The following SNX13 variants were observed in gnomAD, a reference collection of about 807,000 sequenced individuals.
SNX13 encodes the protein sorting nexin 13.
Under a neutral mutation model 133.6 loss-of-function variants are expected in SNX13, and 45 were observed. That is an observed-to-expected ratio of 0.34 (90% CI 0.27 to 0.43). The LOEUF (loss-of-function observed/expected upper bound fraction) is 0.43. SNX13 is among the 20% of genes least tolerant of loss of function. The pLI is 1.00. For synonymous variants in SNX13, 414 were observed against 373.9 expected (o/e 1.11, Z -1.24); for missense variants, 1,032 against 1,145.1 (o/e 0.90, Z 1.43).
chr7:17,935,660 A>T (rs1459916242), intron 1 of SNX13, among the ~76,000 whole-genome samples: 5 of 152,198 alleles, frequency 3.3e-5, no homozygotes, highest in Admixed American at 2.0e-4. Context: ...ATGTTTATCA[A>T]TATTCCTCTT....
chr7:17,897,716 T>C (rs887793136), intron 1 of SNX13: 3 of 215,388 alleles, frequency 1.4e-5, no homozygotes, highest in Admixed American at 1.2e-4. Context: ...AGGACAGAAA[T>C]AGTTATACAA....
At chr7:17,866,266 T>C (rs1435084551) in intron 9 of SNX13, among the ~76,000 whole-genome samples, 1 of 143,428 alleles carries the variant, frequency 7.0e-6, no homozygotes, top group East Asian at 2.0e-4. Flanking sequence ...ATAACCAGAA[T>C]ATATAAGGAA....
At chr7:17,918,929 T>C (rs1278369836) in intron 1 of SNX13, among the ~76,000 whole-genome samples, 6 of 152,202 alleles carry the variant, frequency 3.9e-5, no homozygotes, top group African/African-American at 7.2e-5. Flanking sequence ...AATGAAATCA[T>C]GTCCTTTGCA....
At chr7:17,817,735 T>C (rs1409375872) in intron 18 of SNX13, among the ~76,000 whole-genome samples, 1 of 152,028 alleles carries the variant, frequency 6.6e-6, no homozygotes, top group Non-Finnish European at 1.5e-5. Flanking sequence ...TCACTGAACA[T>C]CACATGTGAA....
rs367739163 is a variant in SNX13 at position 17,830,161 on chromosome 7, TAAAAAAAAA to T, written c.1598-123_1598-115del. The T allele has an allele frequency of 1.9e-5, 9 of 475,464 alleles. No homozygotes were observed. The South Asian group carries it at 4.9e-4, about 26-fold the overall frequency. The allele number at this position is 475,464 out of a possible 1,614,324, so 29.5% of individuals were successfully genotyped here. ...CATAAGCCAAGATATAACATAATAG[TAAAAAAAAA>T]AAAAAAAAAAAAAATTGTGGATACT... is the stretch of plus-strand genomic sequence containing the variant. On this transcript the variant is annotated intron_variant, in intron 15 of 25. Transcript: ENST00000428135.
At chr7:17,827,304 A>G (rs539415497) in intron 16 of SNX13, among the ~76,000 whole-genome samples, 28 of 151,984 alleles carry the variant, frequency 1.8e-4, no homozygotes, top group Non-Finnish European at 3.4e-4. Flanking sequence ...TGTTTCACGT[A>G]TTTATATCAT....
At chr7:17,825,909 A>C (rs1787857082) in intron 17 of SNX13, 113 bp downstream of exon 17, 4 of 673,482 alleles carry the variant, frequency 5.9e-6, no homozygotes, top group South Asian at 2.7e-5. Flanking sequence ...AAAAGTAACA[A>C]AACTATGACT....
At chr7:17,931,579 C>T (rs1801394326) in intron 1 of SNX13, among the ~76,000 whole-genome samples, 1 of 152,180 alleles carries the variant, frequency 6.6e-6, no homozygotes, top group East Asian at 1.9e-4. Flanking sequence ...CCCCAAATTT[C>T]AGGTATAATA....
intron 9 of SNX13, among the ~76,000 whole-genome samples, chr7:17,856,125 C>T (rs1791847441): frequency 6.6e-6 from 1 of 152,032 alleles, no homozygotes; most frequent in Admixed American, 6.6e-5. Context: ...AGAAGTGGAC[C>T]CTGAACAATA....
At chr7:17,916,585 A>C (rs562898465) in intron 1 of SNX13, among the ~76,000 whole-genome samples, 3 of 152,200 alleles carry the variant, frequency 2.0e-5, no homozygotes, top group Non-Finnish European at 4.4e-5. Flanking sequence ...GAAACTCACA[A>C]ACTCCCAAAA....
intron 9 of SNX13, among the ~76,000 whole-genome samples, chr7:17,855,776 C>T (rs1480969412): frequency 6.6e-6 from 1 of 152,208 alleles, no homozygotes; most frequent in Non-Finnish European, 1.5e-5. Flanking sequence ...TTCATGCCTA[C>T]TAAAACAATA....
intron 17 of SNX13, 93 bp from the exon 18 acceptor site, chr7:17,821,741 A>T: frequency 2.2e-6 from 3 of 1,386,156 alleles, no homozygotes; most frequent in Non-Finnish European, 2.9e-6. Flanking sequence ...GAAGATGAAG[A>T]AAACAAAAAA....
chr7:17,841,970 A>G (rs958055745), intron 12 of SNX13, among the ~76,000 whole-genome samples: 7 of 152,092 alleles, frequency 4.6e-5, no homozygotes, highest in Non-Finnish European at 1.0e-4. Context: ...CAGAATGTAA[A>G]AATACAAAGA....
intron 20 of SNX13, among the ~76,000 whole-genome samples, chr7:17,805,209 CTT>C (rs1360084886): frequency 5.8e-4 from 37 of 63,490 alleles, no homozygotes; most frequent in African/African-American, 2.2e-3. Context: ...GCTAATGATT[CTT>C]TGTGTGTGTG....
rs1797322271 is a variant in SNX13, at chr7:17,897,381, G to T, written c.78C>A (p.Pro26=). ...AAAATGTCAAATAAAATATTACAAA[G>T]GGTCCAAAGGTTATCAGAAAAAGGA... ...GIVLFLITFG[P]FVIFYLTFYI... Residue 26 remains proline (P), a synonymous_variant, in exon 2 of 26, where the codon CCC becomes CCA. Coordinates refer to ENST00000428135, the MANE Select transcript of SNX13 (RefSeq NM_015132.5). 2 of 1,592,762 alleles carry T rather than the reference G, an allele frequency of 1.3e-6. No individual in the cohort carries two copies. Among genetic ancestry groups the T allele is most frequent in the Non-Finnish European group, 1.7e-6 (2 of 1,168,956 alleles).
intron 9 of SNX13, among the ~76,000 whole-genome samples, chr7:17,857,645 A>T (rs1409407046): frequency 6.6e-6 from 1 of 152,066 alleles, no homozygotes; most frequent in Non-Finnish European, 1.5e-5. Flanking sequence ...TTAGCAGGGC[A>T]TGCTGGCGGG....
At chr7:17,811,198 G>C (rs1401823708) in intron 20 of SNX13, among the ~76,000 whole-genome samples, 1 of 152,188 alleles carries the variant, frequency 6.6e-6, no homozygotes, top group Admixed American at 6.5e-5. Context: ...AATAGGAAGA[G>C]AGAAAGTCAA....
At chr7:17,840,358 ATATT>A (rs747792305) in intron 12 of SNX13, among the ~76,000 whole-genome samples, 19 of 151,934 alleles carry the variant, frequency 1.3e-4, no homozygotes, top group Non-Finnish European at 2.7e-4. Flanking sequence ...TTCAAACCAT[ATATT>A]TATATTTTTA....
chr7:17,875,830 C>T (rs564853277), intron 5 of SNX13, 40 bp from the exon 6 acceptor site: 65 of 1,460,044 alleles, frequency 4.5e-5, no homozygotes, highest in Middle Eastern at 2.1e-4. Context: ...TATATAAATG[C>T]TTTATCAGAA....
Sources: allele counts gnomAD v4.1 joint callset (sites outside exome capture counted in the v4.1 genomes callset), GRCh38; gene constraint gnomAD v4.1.1; transcripts MANE v1.5; gene names NCBI Gene and HGNC (gene_info 2026-07-23, HGNC 2026-07-21).